The following RBFOX3 variants were observed in gnomAD, a reference collection of about 807,000 sequenced individuals.
The protein encoded by RBFOX3 is RNA binding fox-1 homolog 3, also known as RNA binding protein fox-1 homolog 3.
In RBFOX3, 17 loss-of-function variants were observed where a neutral mutation model predicts 48.7. The ratio of observed to expected loss-of-function variants is 0.35; its 90% CI spans 0.24 to 0.52. The LOEUF (loss-of-function observed/expected upper bound fraction) is 0.52, where lower values mean the gene tolerates loss of function less well. RBFOX3 is among the 20% of genes least tolerant of loss of function. The pLI is 0.94. For synonymous variants in RBFOX3, 212 were observed against 209.5 expected (o/e 1.01, Z -0.10); for missense variants, 382 against 497.5 (o/e 0.77, Z 2.21).
rs116712527 is a variant in RBFOX3 at position 79,353,725 on chromosome 17, G to A, written c.-174-45901C>T. On this transcript the variant is annotated intron_variant, in intron 2 of 14. Transcript: ENST00000693108. The stretch of plus-strand genomic sequence containing the variant: ...ATGACCTCCTCGGTCTCAGCCAGTC[G>A]CGTTTGTGCACCACCGAGGCTTAGC... 2.6e-3 allele frequency among the ~76,000 whole-genome samples: 395 copies of A among 152,058 alleles called. 1 individual carries two copies. Among genetic ancestry groups the A allele is most frequent in the African/African-American group, 8.7e-3 (359 of 41,458 alleles).
chr17:79,187,360 G>C (rs1160775502), intron 4 of RBFOX3, among the ~76,000 whole-genome samples: 4 of 152,208 alleles, frequency 2.6e-5, no homozygotes, highest in African/African-American at 9.6e-5. Flanking sequence ...GCGCCGTGAG[G>C]ACAGTGTGCA....
In RBFOX3 at chr17:79,411,397, G is replaced by C. The variant is rs138729703; in HGVS notation, c.-175+71057C>G. On this transcript the variant is annotated intron_variant, in intron 2 of 14. Coordinates refer to ENST00000693108, the MANE Select transcript of RBFOX3 (RefSeq NM_001350451.2). ...AAGCAGCCAGGTTGTCTCGGACCCA[G>C]GGCCTCTGCACGCACCGTCCCTCTG... is the stretch of plus-strand genomic sequence containing the variant. 2.7e-3 allele frequency among the ~76,000 whole-genome samples: 414 copies of C among 152,236 alleles called. 1 individual carries two copies. The highest frequency in any genetic ancestry group is 3.1e-3 in the Non-Finnish European group (209 of 68,012).
chr17:79,251,419 T>C (rs1463430347), intron 3 of RBFOX3, among the ~76,000 whole-genome samples: 1 of 152,142 alleles, frequency 6.6e-6, no homozygotes, highest in Admixed American at 6.6e-5. Flanking sequence ...CCAAACTCAC[T>C]GAAATTGATC....
At chr17:79,536,701 C>T (rs1555788796) in intron 1 of RBFOX3, among the ~76,000 whole-genome samples, 1 of 152,272 alleles carries the variant, frequency 6.6e-6, no homozygotes, top group African/African-American at 2.4e-5. Context: ...CATCCGTCCT[C>T]TAACAGAGGC....
intron 1 of RBFOX3, among the ~76,000 whole-genome samples, chr17:79,530,392 G>A (rs1465328625): frequency 1.3e-5 from 2 of 152,172 alleles, no homozygotes; most frequent in African/African-American, 4.8e-5. Context: ...GAGCGTTCTT[G>A]CCCAAATCTG....
chr17:79,427,220 C>A lies in RBFOX3; in HGVS notation c.-175+55234G>T, dbSNP rs75154126. 3.9e-5 allele frequency among the ~76,000 whole-genome samples: 6 copies of A among 152,338 alleles called. No individual in the cohort carries two copies. The East Asian group carries it at 9.6e-4, about 24-fold the overall frequency. ...GCCCACTCAGAATCTGGATCCCAAT[C>A]TGTCCGGGGAAGCAGTGCGGCCAGG... On this transcript the variant is annotated intron_variant, in intron 2 of 14. Transcript: ENST00000693108.
chr17:79,124,495 T>G (rs12937891), intron 4 of RBFOX3, among the ~76,000 whole-genome samples: 44,862 of 152,188 alleles, frequency 0.29, 6,962 homozygotes, highest in Non-Finnish European at 0.33. Flanking sequence ...AGAGGATTTC[T>G]GGTACCACAG....
At chr17:79,177,684 G>C (rs562575465) in intron 4 of RBFOX3, among the ~76,000 whole-genome samples, 1 of 152,328 alleles carries the variant, frequency 6.6e-6, no homozygotes, top group South Asian at 2.1e-4. Context: ...GGTGCAGGTG[G>C]ACCCGCTTCC....
intron 4 of RBFOX3, among the ~76,000 whole-genome samples, chr17:79,177,308 C>T (rs1041299723): frequency 5.9e-5 from 9 of 152,200 alleles, no homozygotes; most frequent in South Asian, 4.1e-4. Context: ...CAGAAGGGCA[C>T]GTGGGCTATC....
chr17:79,662,483 T>C, the RBFOX3 span, among the ~76,000 whole-genome samples: 2 of 152,098 alleles, frequency 1.3e-5, no homozygotes, highest in South Asian at 4.1e-4. Context: ...GCTGGACCCA[T>C]AGGTTGCAAA....
intron 2 of RBFOX3, among the ~76,000 whole-genome samples, chr17:79,350,275 G>C (rs1427272909): frequency 6.6e-6 from 1 of 152,170 alleles, no homozygotes; most frequent in Non-Finnish European, 1.5e-5. Flanking sequence ...GCTTCTGTCT[G>C]CTGCTGTCCT....
rs139150592 is a variant in RBFOX3, at chr17:79,284,807, T to G, written c.-74+22917A>C. Among the ~76,000 whole-genome samples the G allele has an allele frequency of 1.6e-4, 25 of 152,282 alleles. No individual in the cohort carries two copies. The East Asian group carries it at 4.2e-3, about 26-fold the overall frequency. ...CACCCACCTCGGCCTCCCAAAGTGCTGGGATTACAGGGGTGAGCCACTGTG... is the reference window on the plus strand; with the variant it reads ...CACCCACCTCGGCCTCCCAAAGTGCGGGGATTACAGGGGTGAGCCACTGTG... On this transcript the variant is annotated intron_variant, in intron 3 of 14. Transcript: ENST00000693108.
chr17:79,631,652 C>T, the RBFOX3 span, among the ~76,000 whole-genome samples: 3,422 of 152,260 alleles, frequency 0.022, 60 homozygotes, highest in East Asian at 0.079. Context: ...GTCTTCTCAC[C>T]GCAGTGTCTC....
At chr17:79,107,724 G>A (rs2077667421) in intron 5 of RBFOX3, among the ~76,000 whole-genome samples, 1 of 152,244 alleles carries the variant, frequency 6.6e-6, no homozygotes, top group Non-Finnish European at 1.5e-5. Context: ...CCTAGGCCCA[G>A]GCCCAAGGGC....
chr17:79,399,511 T>C (rs2062505724), intron 2 of RBFOX3, among the ~76,000 whole-genome samples: 1 of 151,862 alleles, frequency 6.6e-6, no homozygotes, highest in Non-Finnish European at 1.5e-5. Context: ...AAGACAGTGG[T>C]TCAGGGAGGA....
At chr17:79,546,798 T>C (rs782568300) in intron 1 of RBFOX3, among the ~76,000 whole-genome samples, 1 of 151,592 alleles carries the variant, frequency 6.6e-6, no homozygotes, top group African/African-American at 2.4e-5. Context: ...GCCTCCCGAG[T>C]AGCTGGGATT....
At chr17:79,176,210 G>A (rs74482486) in intron 4 of RBFOX3, among the ~76,000 whole-genome samples, 8,681 of 152,264 alleles carry the variant, frequency 0.057, 283 homozygotes, top group East Asian at 0.18. Flanking sequence ...ACCCCAGGGC[G>A]AGGGCATGGC....
chr17:79,521,290 ACACT>A lies in RBFOX3; in HGVS notation c.-319-38696_-319-38693del, dbSNP rs1423327805. ...CACACGCACAGACACATGCACAGAC[ACACT>A]CACAGATACACACACATGCTCAGAC... is the stretch of plus-strand genomic sequence containing the variant. On this transcript the variant is annotated intron_variant, in intron 1 of 14. Coordinates refer to ENST00000693108, the MANE Select transcript of RBFOX3 (RefSeq NM_001350451.2). Among the ~76,000 whole-genome samples, 115 of 149,906 alleles carry A rather than the reference ACACT, an allele frequency of 7.7e-4. 1 individual carries two copies. The highest frequency in any genetic ancestry group is 1.4e-3 in the Non-Finnish European group (94 of 67,902).
intron 1 of RBFOX3, among the ~76,000 whole-genome samples, chr17:79,561,027 G>A (rs994849402): frequency 8.5e-4 from 130 of 152,276 alleles, no homozygotes; most frequent in Middle Eastern, 3.4e-3. Context: ...AGCTGGGGGC[G>A]CCTGGCCTCT....
Sources: allele counts gnomAD v4.1 joint callset (sites outside exome capture counted in the v4.1 genomes callset), GRCh38; gene constraint gnomAD v4.1.1; transcripts MANE v1.5; gene names NCBI Gene and HGNC (gene_info 2026-07-23, HGNC 2026-07-21).